FARP1: variants seen among roughly 807,000 people sequenced by gnomAD.
FARP1 encodes the protein FERM, ARHGEF and pleckstrin domain-containing protein 1.
A neutral mutation model predicts 128.8 loss-of-function variants in FARP1; 52 were observed. That is an observed-to-expected ratio of 0.40 (90% CI 0.32 to 0.51). The LOEUF (loss-of-function observed/expected upper bound fraction) is 0.51. Among genes scored for constraint, FARP1 ranks in the 20% least tolerant of loss-of-function variants. The probability of loss-of-function intolerance (pLI) is 0.45; values close to 1 mark genes in which losing one functional copy is unlikely to be tolerated. For missense variants in FARP1, 1,333 were observed against 1,367.9 expected (o/e 0.97, Z 0.40); for synonymous variants, 580 against 551.8 (o/e 1.05, Z -0.72).
intron 2 of FARP1, among the ~76,000 whole-genome samples, chr13:98,230,043 C>T (rs1212690064): frequency 6.6e-6 from 1 of 152,176 alleles, no homozygotes; most frequent in Non-Finnish European, 1.5e-5. Context: ...GGTCACTGGT[C>T]GTGCCTAGTA....
At chr13:98,259,628 T>A (rs1883775890) in intron 2 of FARP1, among the ~76,000 whole-genome samples, 2 of 152,198 alleles carry the variant, frequency 1.3e-5, no homozygotes, top group Admixed American at 1.3e-4. Context: ...AGTGTTCAAT[T>A]TTTAAAATGC....
intron 3 of FARP1, among the ~76,000 whole-genome samples, chr13:98,363,698 A>G (rs1888968755): frequency 2.0e-5 from 3 of 152,328 alleles, no homozygotes; most frequent in South Asian, 4.1e-4. Context: ...GGAAATCTCA[A>G]TAAAGGTCTA....
chr13:98,373,077 G>T (rs1889417709), intron 5 of FARP1, among the ~76,000 whole-genome samples: 1 of 152,174 alleles, frequency 6.6e-6, no homozygotes, highest in African/African-American at 2.4e-5. Flanking sequence ...GGATCAGGAA[G>T]AGTCCATGTA....
chr13:98,213,863 A>G (rs987749781), intron 2 of FARP1, among the ~76,000 whole-genome samples: 3 of 152,106 alleles, frequency 2.0e-5, no homozygotes, highest in Admixed American at 6.5e-5. Context: ...ACTGGCAAGA[A>G]CAGTCCCGAG....
In FARP1 at chr13:98,273,376, C is replaced by T. The variant is rs1272466409; in HGVS notation, c.171+59963C>T. ...TTGCTGTCACAAAGAGTCTGTTTTG[C>T]GAATCTTATGATCTCTAGTTTAACA... On this transcript the variant is annotated intron_variant, in intron 2 of 26. Coordinates refer to ENST00000319562, the MANE Select transcript of FARP1 (RefSeq NM_005766.4). Among the ~76,000 whole-genome samples, 6 of 152,124 alleles carry T rather than the reference C, an allele frequency of 3.9e-5. 1 individual carries two copies. The highest frequency in any genetic ancestry group is 7.4e-5 in the Non-Finnish European group (5 of 68,018).
rs1326169868 is a variant in FARP1 at position 98,367,528 on chromosome 13, T to C, written c.320-589T>C. ...AAATTCTGAAAAGTTGTTCATCTTA[T>C]TCAATCTCTCCCTCCCCTCACTCCC... On this transcript the variant is annotated intron_variant, in intron 4 of 26. Coordinates refer to ENST00000319562, the MANE Select transcript of FARP1 (RefSeq NM_005766.4). Among the ~76,000 whole-genome samples the C allele has an allele frequency of 7.2e-5, 11 of 152,088 alleles. No homozygotes were observed. In the East Asian group the frequency reaches 1.4e-3, roughly 19 times the overall value.
In FARP1 at chr13:98,449,081, A is replaced by AAGAT. The variant is rs1466119938; in HGVS notation, c.*766_*769dup. The AAGAT allele has an allele frequency of 3.3e-5, 5 of 152,208 alleles. No homozygotes were observed. Among genetic ancestry groups the AAGAT allele is most frequent in the African/African-American group, 1.2e-4 (5 of 41,440 alleles). 9.4% of individuals were successfully genotyped at this position (152,208 alleles called of 1,614,324 possible). On this transcript the variant is annotated 3_prime_UTR_variant, in exon 27 of 27. Coordinates refer to ENST00000319562, the MANE Select transcript of FARP1 (RefSeq NM_005766.4). ...TCCTGTGAGTGGTGTACACAATGGG[A>AAGAT]AGATAATAAGCCGTGGTGTTTTGCT... is the stretch of plus-strand genomic sequence containing the variant.
chr13:98,229,335 A>G (rs1177836739), intron 2 of FARP1, among the ~76,000 whole-genome samples: 1 of 152,224 alleles, frequency 6.6e-6, no homozygotes, highest in Non-Finnish European at 1.5e-5. Flanking sequence ...GAAATTTAAA[A>G]GTTATGTTTT....
chr13:98,316,893 G>A (rs116835824), intron 2 of FARP1, among the ~76,000 whole-genome samples: 4 of 152,180 alleles, frequency 2.6e-5, no homozygotes, highest in African/African-American at 9.7e-5. Context: ...AAAGCAAATA[G>A]GGGTGCTTTT....
In FARP1 at chr13:98,173,746, T is replaced by C. The variant is rs1490760182; in HGVS notation, c.-24+30254T>C. Among the ~76,000 whole-genome samples the C allele has an allele frequency of 2.0e-5, 3 of 152,266 alleles. No individual in the cohort carries two copies. The East Asian group carries it at 5.8e-4, about 29-fold the overall frequency. On this transcript the variant is annotated intron_variant, in intron 1 of 26. Coordinates refer to ENST00000319562, the MANE Select transcript of FARP1 (RefSeq NM_005766.4). ...TGATGTGTTCTTTTGACCGGAAAGA[T>C]AGGGGTTGGGGTGTGATGTGGTGGG...
intron 2 of FARP1, among the ~76,000 whole-genome samples, chr13:98,252,345 T>TAAG (rs1883376072): frequency 6.6e-6 from 1 of 152,226 alleles, no homozygotes; most frequent in African/African-American, 2.4e-5. Context: ...TCAATAACTT[T>TAAG]AAGACTTCAG....
intron 18 of FARP1, chr13:98,434,343 CG>C (rs1892167042): frequency 2.0e-5 from 3 of 152,308 alleles, no homozygotes; most frequent in Admixed American, 6.5e-5. Context: ...GTCTGAAAAT[CG>C]AGCAAGGCCT....
At chr13:98,199,817 C>A (rs1879818156) in intron 1 of FARP1, among the ~76,000 whole-genome samples, 1 of 152,172 alleles carries the variant, frequency 6.6e-6, no homozygotes, top group African/African-American at 2.4e-5. Context: ...ACATTTAATT[C>A]ACCCTGACCT....
intron 2 of FARP1, chr13:98,244,565 G>A (rs368664086): frequency 7.1e-5 from 114 of 1,614,042 alleles, no homozygotes; most frequent in Non-Finnish European, 9.7e-5. Context: ...GCTCCATGAA[G>A]CCCAAGCACC....
Position 98,368,451 on chromosome 13 carries a change from C to T in FARP1, c.398+256C>T, listed in dbSNP as rs117048918. ...CTGGGCTTATACTCTGTTAATAGCACATTTTCCATCTTATATGTCACATCA... is the reference window on the plus strand; with the variant it reads ...CTGGGCTTATACTCTGTTAATAGCATATTTTCCATCTTATATGTCACATCA... On this transcript the variant is annotated intron_variant, in intron 5 of 26. Transcript: ENST00000319562. 2.5e-3 allele frequency among the ~76,000 whole-genome samples: 386 copies of T among 152,312 alleles called. 4 individuals are homozygous for T. Among genetic ancestry groups the T allele is most frequent in the African/African-American group, 8.1e-3 (336 of 41,562 alleles).
intron 5 of FARP1, among the ~76,000 whole-genome samples, chr13:98,373,541 CA>C (rs1889449994): frequency 7.3e-6 from 1 of 136,910 alleles, no homozygotes; most frequent in African/African-American, 3.2e-5. Context: ...CAGACACACA[CA>C]CACACACACA....
chr13:98,305,300 C>G (rs1445650822), intron 2 of FARP1, among the ~76,000 whole-genome samples: 1 of 151,570 alleles, frequency 6.6e-6, no homozygotes, highest in African/African-American at 2.4e-5. Context: ...CTCGCACTTT[C>G]AATGCCATGA....
Position 98,393,716 on chromosome 13 carries a change from C to A in FARP1, c.1162C>A (p.Gln388Lys). ...AGAACTGAATTCGGAAGTGCTGGAG[C>A]AGGTCAGTGATGGCGCTGTCCTATG... ...PTELNSEVLE[Q>K]SQQSTSLTFG... Residue 388 changes from glutamine (Q) to lysine (K), a missense_variant and splice_region_variant, in exon 12 of 27, where the codon CAG (glutamine) becomes AAG (lysine). Gln to Lys is a moderately conservative substitution (Grantham distance 53). Coordinates refer to ENST00000319562, the MANE Select transcript of FARP1 (RefSeq NM_005766.4). 1 of 1,612,180 alleles carries A rather than the reference C, an allele frequency of 6.2e-7. No homozygotes were observed. The highest frequency in any genetic ancestry group is 8.5e-7 in the Non-Finnish European group (1 of 1,178,304).
chr13:98,284,408 C>T (rs571740054), intron 2 of FARP1, among the ~76,000 whole-genome samples: 4 of 152,244 alleles, frequency 2.6e-5, no homozygotes, highest in African/African-American at 4.8e-5. Context: ...CATCCCTGCC[C>T]TCACCTCACG....
Sources: gnomAD v4.1 joint callset for allele counts (sites outside exome capture counted in the v4.1 genomes callset) on GRCh38, gnomAD v4.1.1 for gene constraint, MANE v1.5 for transcripts, NCBI Gene and HGNC (gene_info 2026-07-23, HGNC 2026-07-21) for gene names.